The following GON4L variants were observed in gnomAD, a reference collection of about 807,000 sequenced individuals.
GON4L encodes GON-4-like protein.
A neutral mutation model predicts 211.8 loss-of-function variants in GON4L; 87 were observed. The ratio of observed to expected loss-of-function variants is 0.41; its 90% CI spans 0.35 to 0.49. GON4L has a LOEUF of 0.49. Among genes scored for constraint, GON4L ranks in the 20% least tolerant of loss-of-function variants. The pLI is 0.15. For missense variants in GON4L, 2,155 were observed against 2,659.5 expected, an observed-to-expected ratio of 0.81 and a Z score of 4.17; for synonymous variants, 875 against 962.6, an observed-to-expected ratio of 0.91 and a Z score of 1.68.
rs543551114 is a variant in GON4L at position 155,817,991 on chromosome 1, C to A, written c.1015-1729G>T. 1.3e-4 allele frequency among the ~76,000 whole-genome samples: 20 copies of A among 151,600 alleles called. No individual in the cohort carries two copies. The South Asian group carries it at 3.9e-3, about 30-fold the overall frequency. On this transcript the variant is annotated intron_variant, in intron 6 of 31. Transcript: ENST00000368331. Reference sequence around the variant, plus strand: ...CTACATTTTAATACTTGCTCTCCTACGTAAACTATACCGTCTTGGATGGCC... The same window carrying A: ...CTACATTTTAATACTTGCTCTCCTAAGTAAACTATACCGTCTTGGATGGCC...
chr1:155,752,846 G>C (rs1660749977), intron 29 of GON4L, among the ~76,000 whole-genome samples: 1 of 152,096 alleles, frequency 6.6e-6, no homozygotes, highest in Admixed American at 6.6e-5. Flanking sequence ...GGGTGGAGGT[G>C]GGGGGCATAA....
At position 155,766,355 on chromosome 1, in the gene GON4L, G is replaced by T; in HGVS notation, c.3118C>A (p.Pro1040Thr). Reference protein sequence around the residue: ...APPSKMVLRIPHPIQPATVLQ... With the variant: ...APPSKMVLRITHPIQPATVLQ... ...ACAGTGGCTGGCTGTATTGGGTGAGGAATCCGGAGCACCATTTTGCTCGGA... is the reference window on the plus strand; with the variant it reads ...ACAGTGGCTGGCTGTATTGGGTGAGTAATCCGGAGCACCATTTTGCTCGGA... Residue 1040 changes from proline (P) to threonine (T), a missense_variant, in exon 21 of 32, where the codon CCT (proline) becomes ACT (threonine). Transcript: ENST00000368331. 1 of 1,614,116 alleles carries T rather than the reference G, an allele frequency of 6.2e-7. No individual in the cohort carries two copies. Among genetic ancestry groups the T allele is most frequent in the South Asian group, 1.1e-5 (1 of 91,084 alleles).
chr1:155,782,738 C>CA (rs1557857931), intron 14 of GON4L, among the ~76,000 whole-genome samples: 1 of 152,078 alleles, frequency 6.6e-6, no homozygotes, highest in Non-Finnish European at 1.5e-5. Context: ...CAGCTCACTG[C>CA]AACCTCCGCT....
chr1:155,815,072 C>T (rs1016318712), intron 8 of GON4L, among the ~76,000 whole-genome samples: 3 of 152,102 alleles, frequency 2.0e-5, no homozygotes, highest in African/African-American at 7.2e-5. Flanking sequence ...CAACATCGCA[C>T]ACTGCACTCC....
chr1:155,844,773 TAAC>T (rs1671076158), intron 2 of GON4L, among the ~76,000 whole-genome samples: 6 of 151,958 alleles, frequency 3.9e-5, no homozygotes, highest in South Asian at 4.2e-4. Context: ...ACCCAAAAAA[TAAC>T]AACAACAAAA....
intron 19 of GON4L, among the ~76,000 whole-genome samples, chr1:155,770,239 A>C (rs1213166903): frequency 6.6e-6 from 1 of 151,990 alleles, no homozygotes; most frequent in East Asian, 1.9e-4. Context: ...AAAACAAAAC[A>C]AAAGGCTGGG....
intron 1 of GON4L, among the ~76,000 whole-genome samples, chr1:155,854,050 G>A (rs1348495899): frequency 6.6e-6 from 1 of 152,128 alleles, no homozygotes; most frequent in Non-Finnish European, 1.5e-5. Context: ...CAAGTCTTCA[G>A]TACCCTCAAC....
At chr1:155,751,693 T>C in intron 31 of GON4L, 74 bp downstream of exon 31, 4 of 993,976 alleles carry the variant, frequency 4.0e-6, no homozygotes, top group Non-Finnish European at 6.3e-6. Flanking sequence ...CAAAACTCCT[T>C]CTTTGGCCTT....
chr1:155,850,574 A>C (rs1671679623), intron 2 of GON4L, among the ~76,000 whole-genome samples: 2 of 152,226 alleles, frequency 1.3e-5, no homozygotes, highest in Admixed American at 6.5e-5. Flanking sequence ...GATTATTGCT[A>C]AACTCCCTCA....
chr1:155,765,167 T>C lies in GON4L; in HGVS notation c.4306A>G (p.Ser1436Gly), dbSNP rs764963436. Residue 1436 changes from serine (S) to glycine (G), a missense_variant, in exon 21 of 32, where the codon AGT (serine) becomes GGT (glycine). By Grantham distance (56) the Ser-to-Gly change is moderately conservative. Coordinates refer to ENST00000368331, the MANE Select transcript of GON4L (RefSeq NM_001282860.2). ...GTCCCCACTGACTGACCATCAACAC[T>C]GGATGAATCTTCTGGCTTCCCTGGG... ...SPPGKPEDSS[S>G]VDGQSVGTPV... The C allele has an allele frequency of 1.2e-6, 2 of 1,614,214 alleles. No homozygotes were observed. Among genetic ancestry groups the C allele is most frequent in the Non-Finnish European group, 1.7e-6 (2 of 1,180,044 alleles).
intron 2 of GON4L, among the ~76,000 whole-genome samples, chr1:155,848,438 T>C (rs1671456761): frequency 6.6e-6 from 1 of 152,222 alleles, no homozygotes; most frequent in South Asian, 2.1e-4. Flanking sequence ...CAGCATCCTA[T>C]TCTAAATCTT....
chr1:155,842,541 A>C (rs921874008), intron 2 of GON4L, among the ~76,000 whole-genome samples: 1 of 149,068 alleles, frequency 6.7e-6, no homozygotes, highest in Non-Finnish European at 1.5e-5. Flanking sequence ...AAAAAAAAAA[A>C]AAAAAACTTG....
chr1:155,787,451 A>G (rs911998325), intron 12 of GON4L, among the ~76,000 whole-genome samples: 5 of 152,178 alleles, frequency 3.3e-5, no homozygotes, highest in Admixed American at 3.3e-4. Flanking sequence ...CAATTCTATA[A>G]AGGCCCTTCT....
chr1:155,822,766 A>G (rs1668848748), intron 3 of GON4L, among the ~76,000 whole-genome samples: 1 of 152,178 alleles, frequency 6.6e-6, no homozygotes, highest in East Asian at 1.9e-4. Context: ...TGGTTGTGGT[A>G]GCAGTTAACA....
upstream of GON4L, chr1:155,859,400 G>A (rs1672504818): frequency 1.1e-5 from 2 of 188,386 alleles, no homozygotes; most frequent in East Asian, 1.3e-4. Context: ...CTCCGGGAGA[G>A]CTTCCTGAAG....
At chr1:155,753,059 G>C in intron 29 of GON4L, 145 bp downstream of exon 29, 1 of 652,852 alleles carries the variant, frequency 1.5e-6, no homozygotes, top group Non-Finnish European at 2.7e-6. Context: ...CTGAACAGCA[G>C]AAGGGCTTCC....
intron 2 of GON4L, among the ~76,000 whole-genome samples, chr1:155,848,990 T>C (rs1381270971): frequency 6.7e-6 from 1 of 149,530 alleles, no homozygotes; most frequent in Non-Finnish European, 1.5e-5. Flanking sequence ...TCTACTAAGA[T>C]ACAAAAAATT....
intron 2 of GON4L, among the ~76,000 whole-genome samples, chr1:155,849,630 C>T (rs1233449557): frequency 2.0e-5 from 3 of 150,358 alleles, no homozygotes; most frequent in Non-Finnish European, 3.0e-5. Flanking sequence ...AAAAATTAGC[C>T]GGGTGTGGTG....
chr1:155,835,309 C>A (rs921648832), intron 2 of GON4L, among the ~76,000 whole-genome samples: 3 of 152,072 alleles, frequency 2.0e-5, no homozygotes, highest in East Asian at 1.9e-4. Context: ...ATCTCAAGGA[C>A]CCAGGGACAC....
Sources: allele counts gnomAD v4.1 joint callset (sites outside exome capture counted in the v4.1 genomes callset), GRCh38; gene constraint gnomAD v4.1.1; transcripts MANE v1.5; gene names NCBI Gene and HGNC (gene_info 2026-07-23, HGNC 2026-07-21).